The following GBF1 variants were observed in gnomAD, a reference collection of about 807,000 sequenced individuals.
GBF1 encodes Golgi-specific brefeldin A-resistance guanine nucleotide exchange factor 1.
GBF1 carries 114 observed loss-of-function variants against 210.5 expected under a neutral mutation model. That is an observed-to-expected ratio of 0.54 (90% CI 0.47 to 0.63). The LOEUF is 0.63. GBF1 is among the 30% of genes least tolerant of loss of function. The pLI, the probability that GBF1 is intolerant of heterozygous loss-of-function variation, is 0.00. For synonymous variants in GBF1, 850 were observed against 889.2 expected, an observed-to-expected ratio of 0.96 and a Z score of 0.78; for missense variants, 1,851 against 2,357.7, an observed-to-expected ratio of 0.79 and a Z score of 4.45.
At chr10:102,302,720 G>A (rs1427634425) in intron 3 of GBF1, among the ~76,000 whole-genome samples, 1 of 152,112 alleles carries the variant, frequency 6.6e-6, no homozygotes, top group East Asian at 1.9e-4. Flanking sequence ...TGAACTGGGT[G>A]ATTTTGCCCC....
intron 3 of GBF1, among the ~76,000 whole-genome samples, chr10:102,313,503 C>T (rs986074454): frequency 6.6e-6 from 1 of 152,160 alleles, no homozygotes; most frequent in Non-Finnish European, 1.5e-5. Context: ...TATTTATGAG[C>T]TCGTCTGGAC....
chr10:102,258,723 AG>A (rs2072782486), intron 1 of GBF1, among the ~76,000 whole-genome samples: 1 of 150,166 alleles, frequency 6.7e-6, no homozygotes, highest in Non-Finnish European at 1.5e-5. Flanking sequence ...GTGGTGAGCC[AG>A]GATCACGCCA....
chr10:102,376,345 C>T lies in GBF1; in HGVS notation c.3960C>T (p.Asp1320=), dbSNP rs2060493801. ...DVSLDRGYTS[D]SEVYTDHGRP... ...GCCTGGATCGAGGGTACACTTCCGA[C>T]TCAGAGGTCTACACTGACCATGGCA... is the stretch of plus-strand genomic sequence containing the variant. The change falls in exon 31 of 40, where the codon GAC becomes GAT. Residue 1320 remains aspartate (D), a synonymous_variant. Coordinates refer to ENST00000369983, the MANE Select transcript of GBF1 (RefSeq NM_001377137.1). 2.5e-6 allele frequency: 4 copies of T among 1,613,902 alleles called. No individual in the cohort carries two copies. The highest frequency in any genetic ancestry group is 2.7e-5 in the African/African-American group (2 of 74,908).
chr10:102,255,663 A>G (rs1381311735), intron 1 of GBF1, among the ~76,000 whole-genome samples: 1 of 152,188 alleles, frequency 6.6e-6, no homozygotes, highest in Non-Finnish European at 1.5e-5. Flanking sequence ...ACATAATTTA[A>G]GGAAAGGGAA....
At chr10:102,252,987 T>G (rs1274760432) in intron 1 of GBF1, among the ~76,000 whole-genome samples, 1 of 152,098 alleles carries the variant, frequency 6.6e-6, no homozygotes, top group Non-Finnish European at 1.5e-5. Context: ...CTCCACCTCC[T>G]GGGTTCAAGC....
chr10:102,263,985 G>A (rs1014394206), intron 3 of GBF1, among the ~76,000 whole-genome samples: 1 of 152,132 alleles, frequency 6.6e-6, no homozygotes, highest in East Asian at 1.9e-4. Context: ...CAGATGTGTG[G>A]TTACCAGGGG....
the GBF1 span, among the ~76,000 whole-genome samples, chr10:102,235,697 G>C: frequency 2.6e-5 from 4 of 152,162 alleles, no homozygotes; most frequent in Non-Finnish European, 4.4e-5. Context: ...AGGCACTGAG[G>C]GTGGAGTGGT....
chr10:102,370,517 G>T (rs959611253), intron 28 of GBF1, 39 bp downstream of exon 28: 1 of 1,519,394 alleles, frequency 6.6e-7, no homozygotes, highest in Admixed American at 1.7e-5. Flanking sequence ...CCCATGCTGG[G>T]CTTGTGCCAA....
In GBF1 at chr10:102,376,790, T is replaced by C. The variant is rs747516364; in HGVS notation, c.4278T>C (p.Ser1426=). 5 of 1,608,890 alleles carry C rather than the reference T, an allele frequency of 3.1e-6. No individual in the cohort carries two copies. The African/African-American group carries it at 5.3e-5, about 17-fold the overall frequency. The part of the protein sequence containing the change: ...VKTLRIFVEA[S]LNGGCKSQEK... ...CTCTCCGGATCTTTGTGGAGGCCAG[T>C]CTGAATGGCGGTGGGTCAGCTGATG... The change falls in exon 32 of 40, where the codon AGT becomes AGC. Residue 1426 remains serine, a synonymous_variant. Transcript: ENST00000369983.
intron 3 of GBF1, among the ~76,000 whole-genome samples, chr10:102,315,674 A>G (rs1220274574): frequency 6.6e-6 from 1 of 152,134 alleles, no homozygotes; most frequent in African/African-American, 2.4e-5. Flanking sequence ...TGTCGTCGCT[A>G]ATCTGACAGG....
intron 3 of GBF1, among the ~76,000 whole-genome samples, chr10:102,301,360 G>A (rs903751847): frequency 2.6e-5 from 4 of 152,192 alleles, no homozygotes; most frequent in African/African-American, 7.2e-5. Flanking sequence ...GAACAAAGTG[G>A]AGTCTCCTGT....
chr10:102,370,033 A>G (rs2060119401), intron 26 of GBF1, 49 bp downstream of exon 26: 2 of 1,604,844 alleles, frequency 1.2e-6, no homozygotes, highest in Non-Finnish European at 1.7e-6. Context: ...CCTTCCTATT[A>G]GATGCTACTT....
chr10:102,373,154 AAC>A (rs2060302934), intron 29 of GBF1, among the ~76,000 whole-genome samples: 1 of 152,258 alleles, frequency 6.6e-6, no homozygotes, highest in South Asian at 2.1e-4. Flanking sequence ...CTCAAAACAC[AAC>A]AGTGATAAAA....
intron 4 of GBF1, among the ~76,000 whole-genome samples, chr10:102,350,545 G>T (rs1252843872): frequency 6.6e-6 from 1 of 152,074 alleles, no homozygotes; most frequent in Non-Finnish European, 1.5e-5. Context: ...GCCCTACCTG[G>T]TTCTTGTTCT....
chr10:102,376,899 GAC>G, intron 32 of GBF1, 34 bp from the exon 33 acceptor site: 1 of 1,611,536 alleles, frequency 6.2e-7, no homozygotes, highest in Non-Finnish European at 8.5e-7. Context: ...TGCCTATATA[GAC>G]ACAGAAATGT....
chr10:102,353,582 G>A lies in GBF1; in HGVS notation c.585-18G>A. 6.4e-7 allele frequency: 1 copy of A among 1,566,320 alleles called. No homozygotes were observed. The highest frequency in any genetic ancestry group is 8.8e-7 in the Non-Finnish European group (1 of 1,136,448). Reference sequence around the variant, plus strand: ...GTCATTATCCCTAATGACAGTTGATGGATTTTCTATCTTATAGGTTACCTC... The same window carrying A: ...GTCATTATCCCTAATGACAGTTGATAGATTTTCTATCTTATAGGTTACCTC... On this transcript the variant is annotated intron_variant, in intron 7 of 39. Coordinates refer to ENST00000369983, the MANE Select transcript of GBF1 (RefSeq NM_001377137.1).
intron 20 of GBF1, 68 bp from the exon 21 acceptor site, chr10:102,367,410 C>A: frequency 1.6e-6 from 2 of 1,212,416 alleles, no homozygotes; most frequent in Non-Finnish European, 2.5e-6. Context: ...TTACTGAAAA[C>A]CCAGGAGTTC....
intron 3 of GBF1, among the ~76,000 whole-genome samples, chr10:102,304,784 GA>G (rs1253686955): frequency 6.7e-6 from 1 of 149,042 alleles, no homozygotes; most frequent in African/African-American, 2.4e-5. Flanking sequence ...AAAAAAAAAA[GA>G]AAGAAAGAAA....
chr10:102,341,505 A>C (rs1231247330), intron 3 of GBF1, among the ~76,000 whole-genome samples: 1 of 152,254 alleles, frequency 6.6e-6, no homozygotes. Flanking sequence ...TGTTTATAGC[A>C]GCTCCATTCA....
Sources: allele counts gnomAD v4.1 joint callset (sites outside exome capture counted in the v4.1 genomes callset), GRCh38; gene constraint gnomAD v4.1.1; transcripts MANE v1.5; gene names NCBI Gene and HGNC (gene_info 2026-07-23, HGNC 2026-07-21).